The following LSAMP variants were observed in gnomAD, a reference collection of about 807,000 sequenced individuals.
LSAMP encodes limbic system-associated membrane protein.
A neutral mutation model predicts 38.6 loss-of-function variants in LSAMP; 7 were observed. That is an observed-to-expected ratio of 0.18 (90% CI 0.10 to 0.34). The LOEUF (loss-of-function observed/expected upper bound fraction) is 0.34. Among genes scored for constraint, LSAMP ranks in the 10% least tolerant of loss-of-function variants. The pLI is 1.00. For missense variants in LSAMP, 313 were observed against 420.0 expected, an observed-to-expected ratio of 0.75 and a Z score of 2.23; for synonymous variants, 154 against 166.8, an observed-to-expected ratio of 0.92 and a Z score of 0.59.
At chr3:116,042,929 C>G (rs568604138) in intron 2 of LSAMP, among the ~76,000 whole-genome samples, 1 of 152,202 alleles carries the variant, frequency 6.6e-6, no homozygotes, top group South Asian at 2.1e-4. Context: ...GACCCAGTGC[C>G]TTTTTTATCG....
intron 3 of LSAMP, among the ~76,000 whole-genome samples, chr3:115,863,612 A>G (rs1015371578): frequency 2.0e-5 from 3 of 151,872 alleles, no homozygotes; most frequent in Admixed American, 6.6e-5. Flanking sequence ...AAATGTTTAC[A>G]TAATGTTAAC....
chr3:115,970,756 A>C (rs1938991352), intron 3 of LSAMP, among the ~76,000 whole-genome samples: 1 of 152,212 alleles, frequency 6.6e-6, no homozygotes, highest in African/African-American at 2.4e-5. Flanking sequence ...TCGTACTTGC[A>C]AAAAATCTTT....
chr3:116,140,633 T>G (rs1709348971), intron 1 of LSAMP, among the ~76,000 whole-genome samples: 1 of 151,980 alleles, frequency 6.6e-6, no homozygotes, highest in African/African-American at 2.4e-5. Flanking sequence ...ATAATTCATA[T>G]TTGTTATATG....
At chr3:116,179,741 C>CA (rs1483359598) in intron 1 of LSAMP, among the ~76,000 whole-genome samples, 1 of 152,096 alleles carries the variant, frequency 6.6e-6, no homozygotes, top group African/African-American at 2.4e-5. Context: ...AATCAGCTCC[C>CA]ACCAGGCCCC....
At chr3:116,429,347 G>T (rs2107869187) in intron 1 of LSAMP, among the ~76,000 whole-genome samples, 2 of 152,308 alleles carry the variant, frequency 1.3e-5, no homozygotes, top group South Asian at 2.1e-4. Flanking sequence ...AAGAAATTGG[G>T]TTCAGCAAGA....
At position 116,115,954 on chromosome 3, in the gene LSAMP, A is replaced by G. The variant is rs539169795; in HGVS notation, c.156-29398T>C. Among the ~76,000 whole-genome samples the G allele has an allele frequency of 9.9e-4, 150 of 151,614 alleles. 2 individuals carry two copies. Among genetic ancestry groups the G allele is most frequent in the African/African-American group, 3.6e-3 (147 of 41,344 alleles). On this transcript the variant is annotated intron_variant, in intron 1 of 6. Transcript: ENST00000490035. ...GCTTCCACCCCTTTCAATCCTTTCAACCTGGAAACTTATATTCAGTTCAGG... is the reference window on the plus strand; with the variant it reads ...GCTTCCACCCCTTTCAATCCTTTCAGCCTGGAAACTTATATTCAGTTCAGG...
chr3:116,201,829 A>G (rs886791225), intron 1 of LSAMP, among the ~76,000 whole-genome samples: 3 of 152,178 alleles, frequency 2.0e-5, no homozygotes, highest in Admixed American at 1.3e-4. Flanking sequence ...TATTTTAACC[A>G]TCTGTGGAGA....
intron 2 of LSAMP, among the ~76,000 whole-genome samples, chr3:116,021,105 G>A (rs903028494): frequency 2.6e-5 from 4 of 152,006 alleles, no homozygotes; most frequent in Non-Finnish European, 5.9e-5. Flanking sequence ...ACTCTTGTAG[G>A]GCCTCTGGGT....
chr3:116,183,025 A>G (rs1387165565), intron 1 of LSAMP, among the ~76,000 whole-genome samples: 1 of 151,846 alleles, frequency 6.6e-6, no homozygotes, highest in African/African-American at 2.4e-5. Context: ...TTTGATCAGT[A>G]TCTCCTTTGA....
intron 2 of LSAMP, among the ~76,000 whole-genome samples, chr3:116,081,539 C>G (rs977579805): frequency 6.6e-6 from 1 of 151,804 alleles, no homozygotes; most frequent in Non-Finnish European, 1.5e-5. Context: ...TAATTTTAAG[C>G]CATTTTAGAT....
chr3:116,179,410 G>A (rs540439079), intron 1 of LSAMP, among the ~76,000 whole-genome samples: 1 of 152,262 alleles, frequency 6.6e-6, no homozygotes, highest in South Asian at 2.1e-4. Context: ...GTAGAGGGAA[G>A]TGGTTAGAGA....
At chr3:116,402,064 A>AT (rs2048847917) in intron 1 of LSAMP, among the ~76,000 whole-genome samples, 1 of 152,190 alleles carries the variant, frequency 6.6e-6, no homozygotes, top group African/African-American at 2.4e-5. Context: ...AGCCACTGTC[A>AT]TTTTCTAATA....
chr3:116,115,448 C>A (rs1263217383), intron 1 of LSAMP, among the ~76,000 whole-genome samples: 2 of 152,168 alleles, frequency 1.3e-5, no homozygotes, highest in African/African-American at 4.8e-5. Flanking sequence ...CTAGTCTGTC[C>A]TGAACTGTTT....
At chr3:115,839,592 G>T (rs1000630197) in intron 6 of LSAMP, among the ~76,000 whole-genome samples, 2 of 152,058 alleles carry the variant, frequency 1.3e-5, no homozygotes, top group Non-Finnish European at 1.5e-5. Context: ...TTGCCTCAAA[G>T]CTTAATGATC....
intron 3 of LSAMP, among the ~76,000 whole-genome samples, chr3:115,996,353 T>G (rs1235352372): frequency 6.6e-6 from 1 of 152,134 alleles, no homozygotes; most frequent in Non-Finnish European, 1.5e-5. Context: ...GGCTGACATA[T>G]GCAGATAATC....
intron 2 of LSAMP, among the ~76,000 whole-genome samples, chr3:116,078,529 T>C (rs1707801087): frequency 6.6e-6 from 1 of 152,066 alleles, no homozygotes; most frequent in African/African-American, 2.4e-5. Context: ...GGTTTCACCG[T>C]GTTAGCCAGG....
chr3:116,337,682 C>A (rs2047939078), intron 1 of LSAMP, among the ~76,000 whole-genome samples: 1 of 151,918 alleles, frequency 6.6e-6, no homozygotes, highest in Admixed American at 6.6e-5. Flanking sequence ...CCTGGGTCTC[C>A]TTGACAGTCA....
chr3:115,857,064 T>C (rs1935528833), intron 3 of LSAMP, among the ~76,000 whole-genome samples: 1 of 152,184 alleles, frequency 6.6e-6, no homozygotes, highest in South Asian at 2.1e-4. Flanking sequence ...CATACTCTGC[T>C]GTTGAAGGAC....
intron 1 of LSAMP, among the ~76,000 whole-genome samples, chr3:116,359,702 C>A (rs1217626786): frequency 6.6e-6 from 1 of 151,854 alleles, no homozygotes; most frequent in Admixed American, 6.6e-5. Context: ...ACAAACCTGT[C>A]AAAACTAAGC....
Sources: allele counts gnomAD v4.1 joint callset (sites outside exome capture counted in the v4.1 genomes callset), GRCh38; gene constraint gnomAD v4.1.1; transcripts MANE v1.5; gene names NCBI Gene and HGNC (gene_info 2026-07-23, HGNC 2026-07-21).